The following ESRRG variants were observed in gnomAD, a reference collection of about 807,000 sequenced individuals.
The protein encoded by ESRRG is estrogen related receptor gamma.
In ESRRG, 13 loss-of-function variants were observed where a neutral mutation model predicts 44.0. The observed-to-expected ratio is 0.30, with a 90% CI of 0.19 to 0.47. The LOEUF is 0.47. Among genes scored for constraint, ESRRG ranks in the 20% least tolerant of loss-of-function variants. The probability of loss-of-function intolerance (pLI) is 1.00; values close to 1 mark genes in which losing one functional copy is unlikely to be tolerated. For missense variants in ESRRG, 395 were observed against 580.6 expected, an observed-to-expected ratio of 0.68 and a Z score of 3.29; for synonymous variants, 215 against 214.6, an observed-to-expected ratio of 1.00 and a Z score of -0.02.
At chr1:216,662,768 CATATTTTTGT>C (rs2072854580) in intron 2 of ESRRG, among the ~76,000 whole-genome samples, 1 of 152,128 alleles carries the variant, frequency 6.6e-6, no homozygotes, top group African/African-American at 2.4e-5. Flanking sequence ...CCAGATTGTA[CATATTTTTGT>C]CTTTGCAGGT....
intron 1 of ESRRG, among the ~76,000 whole-genome samples, chr1:217,033,039 G>A (rs1304765481): frequency 6.6e-6 from 1 of 152,132 alleles, no homozygotes; most frequent in Non-Finnish European, 1.5e-5. Context: ...TTAAAAGGGG[G>A]TGCACCTATA....
chr1:216,886,282 T>C (rs1451803815), intron 2 of ESRRG, among the ~76,000 whole-genome samples: 1 of 152,142 alleles, frequency 6.6e-6, no homozygotes. Flanking sequence ...GAATTTTCTC[T>C]CCGTATACCT....
chr1:216,522,250 C>T (rs1278834810), intron 5 of ESRRG, among the ~76,000 whole-genome samples: 2 of 125,430 alleles, frequency 1.6e-5, no homozygotes, highest in East Asian at 2.4e-4. Flanking sequence ...GAAGAAACAG[C>T]TCTCCTTTTT....
chr1:217,057,701 A>G (rs561844122), intron 1 of ESRRG, among the ~76,000 whole-genome samples: 1 of 152,312 alleles, frequency 6.6e-6, no homozygotes, highest in Non-Finnish European at 1.5e-5. Flanking sequence ...AGCAATAAAG[A>G]GATAAAAAGG....
At chr1:216,574,808 G>C (rs1039452138) in intron 3 of ESRRG, among the ~76,000 whole-genome samples, 1 of 152,118 alleles carries the variant, frequency 6.6e-6, no homozygotes, top group Non-Finnish European at 1.5e-5. Context: ...ATAGGGAGCA[G>C]AATGGAAAGG....
At chr1:216,979,044 T>G (rs1267890636) in intron 1 of ESRRG, among the ~76,000 whole-genome samples, 1 of 152,068 alleles carries the variant, frequency 6.6e-6, no homozygotes, top group East Asian at 1.9e-4. Context: ...ATGCTCTCTC[T>G]CCCTCCCCTC....
chr1:216,962,257 C>A (rs1212492862), intron 1 of ESRRG, among the ~76,000 whole-genome samples: 1 of 152,150 alleles, frequency 6.6e-6, no homozygotes, highest in Non-Finnish European at 1.5e-5. Context: ...CAGTGTGAGA[C>A]CCTGGCATTG....
At chr1:216,967,072 T>A (rs910442062) in intron 1 of ESRRG, among the ~76,000 whole-genome samples, 12 of 152,060 alleles carry the variant, frequency 7.9e-5, no homozygotes, top group Non-Finnish European at 1.8e-4. Flanking sequence ...AAAATAAATT[T>A]TACTGTTTAG....
chr1:216,688,307 G>A (rs1234561983), intron 1 of ESRRG, among the ~76,000 whole-genome samples: 2 of 152,190 alleles, frequency 1.3e-5, no homozygotes, highest in South Asian at 4.1e-4. Context: ...AGACAGGATT[G>A]TTGTGATTTA....
chr1:217,085,157 T>C (rs2151527677), intron 1 of ESRRG, among the ~76,000 whole-genome samples: 1 of 151,836 alleles, frequency 6.6e-6, no homozygotes, highest in Admixed American at 6.6e-5. Context: ...AAAACTTCCT[T>C]CTCTGTGTGA....
intron 1 of ESRRG, among the ~76,000 whole-genome samples, chr1:217,129,242 T>C (rs1043177486): frequency 6.6e-6 from 1 of 152,232 alleles, no homozygotes; most frequent in Non-Finnish European, 1.5e-5. Context: ...GAAAATATAC[T>C]TGGCATCATT....
At chr1:216,785,074 C>T (rs1291694816) in intron 2 of ESRRG, among the ~76,000 whole-genome samples, 1 of 151,236 alleles carries the variant, frequency 6.6e-6, no homozygotes, top group Non-Finnish European at 1.5e-5. Context: ...CCTCAGTGCC[C>T]AGAATAAAAA....
intron 1 of ESRRG, among the ~76,000 whole-genome samples, chr1:217,106,747 T>C (rs2092601813): frequency 6.6e-6 from 1 of 152,112 alleles, no homozygotes; most frequent in Non-Finnish European, 1.5e-5. Flanking sequence ...CTCAACCCTA[T>C]CTCCAGCCTC....
intron 3 of ESRRG, among the ~76,000 whole-genome samples, chr1:216,632,262 A>C (rs1030242101): frequency 6.6e-6 from 1 of 152,152 alleles, no homozygotes; most frequent in South Asian, 2.1e-4. Flanking sequence ...CTCATTTTCA[A>C]AGCAATATTT....
At chr1:216,762,929 TTTGA>T (rs1336845019) in intron 2 of ESRRG, among the ~76,000 whole-genome samples, 3 of 152,060 alleles carry the variant, frequency 2.0e-5, no homozygotes, top group African/African-American at 7.2e-5. Flanking sequence ...ACTGTAAATT[TTTGA>T]TAGCCTATGA....
intron 3 of ESRRG, among the ~76,000 whole-genome samples, chr1:216,630,774 A>G (rs2064023085): frequency 6.6e-6 from 1 of 152,146 alleles, no homozygotes. Context: ...GCCTGTCACC[A>G]TATTCAAATA....
chr1:216,789,132 T>C (rs756329802), intron 2 of ESRRG, among the ~76,000 whole-genome samples: 2 of 152,258 alleles, frequency 1.3e-5, no homozygotes, highest in East Asian at 1.9e-4. Context: ...TTGGAGAGGA[T>C]TGACTCTCAT....
chr1:217,013,845 G>T (rs115877625), intron 1 of ESRRG, among the ~76,000 whole-genome samples: 22,672 of 151,992 alleles, frequency 0.15, 2,170 homozygotes, highest in Admixed American at 0.21. Context: ...CCATTAAAAT[G>T]AGGGGCTGAA....
At chr1:216,914,043 G>T (rs2060822233) in intron 2 of ESRRG, among the ~76,000 whole-genome samples, 1 of 152,054 alleles carries the variant, frequency 6.6e-6, no homozygotes, top group Non-Finnish European at 1.5e-5. Flanking sequence ...CATTCCAGTA[G>T]GTCCTGGTCA....
Sources: gnomAD v4.1 joint callset for allele counts (sites outside exome capture counted in the v4.1 genomes callset) on GRCh38, gnomAD v4.1.1 for gene constraint, MANE v1.5 for transcripts, NCBI Gene and HGNC (gene_info 2026-07-23, HGNC 2026-07-21) for gene names.